LY9: variants seen among roughly 807,000 people sequenced by gnomAD.
LY9 encodes the protein lymphocyte antigen 9, also known as T-lymphocyte surface antigen Ly-9.
A neutral mutation model predicts 64.6 loss-of-function variants in LY9; 59 were observed. The ratio of observed to expected loss-of-function variants is 0.91; its 90% CI spans 0.74 to 1.13. The LOEUF is 1.13. Ranked by LOEUF, LY9 falls within the 50% of genes most tolerant of loss-of-function variation. The pLI, the probability that LY9 is intolerant of heterozygous loss-of-function variation, is 0.00. For missense variants in LY9, 789 were observed against 797.2 expected (o/e 0.99, Z 0.12); for synonymous variants, 281 against 308.5 (o/e 0.91, Z 0.93).
chr1:160,819,479 C>G (rs996946321), intron 7 of LY9, 105 bp downstream of exon 7: 3 of 1,015,444 alleles, frequency 3.0e-6, no homozygotes, highest in African/African-American at 3.2e-5. Context: ...TGGGCATCAC[C>G]CAGGAAACTT....
chr1:160,801,541 C>T (rs1666479545), intron 2 of LY9, among the ~76,000 whole-genome samples: 1 of 152,156 alleles, frequency 6.6e-6, no homozygotes, highest in Non-Finnish European at 1.5e-5. Context: ...TTTTGCTGTG[C>T]AAAAGCTTGT....
chr1:160,823,879 C>T (rs753530847), intron 8 of LY9, 83 bp downstream of exon 8: 1 of 1,135,508 alleles, frequency 8.8e-7, no homozygotes, highest in South Asian at 1.4e-5. Flanking sequence ...TTCCTCCAAA[C>T]TGGGGGCTGG....
chr1:160,825,625 C>G (rs1434859785), intron 9 of LY9, among the ~76,000 whole-genome samples: 1 of 152,132 alleles, frequency 6.6e-6, no homozygotes, highest in Non-Finnish European at 1.5e-5. Context: ...TTAAAAAACT[C>G]TCGGCTGGGC....
At position 160,796,187 on chromosome 1, in the gene LY9, C is replaced by T; in HGVS notation, c.-1C>T. 1 of 1,613,768 alleles carries T rather than the reference C, an allele frequency of 6.2e-7. No homozygotes were observed. Among genetic ancestry groups the T allele is most frequent in the Non-Finnish European group, 8.5e-7 (1 of 1,179,872 alleles). On this transcript the variant is annotated 5_prime_UTR_variant, in exon 1 of 10. Coordinates refer to ENST00000263285, the MANE Select transcript of LY9 (RefSeq NM_002348.4). ...AGTCTCAGTTCTGAAAATAGATCAT[C>T]ATGGTGGCACCAAAGAGTCACACAG...
intron 5 of LY9, 27 bp from the exon 6 acceptor site, chr1:160,818,191 T>C: frequency 6.8e-7 from 1 of 1,463,614 alleles, no homozygotes; most frequent in Non-Finnish European, 9.6e-7. Flanking sequence ...ATTATTTGAA[T>C]TAACATCACT....
At chr1:160,798,473 T>C (rs905416850) in intron 1 of LY9, among the ~76,000 whole-genome samples, 1 of 152,214 alleles carries the variant, frequency 6.6e-6, no homozygotes, top group Non-Finnish European at 1.5e-5. Context: ...ATAGCAATCG[T>C]AAGCAGTCTC....
chr1:160,825,012 G>A (rs1288617977), intron 9 of LY9, among the ~76,000 whole-genome samples: 2 of 150,562 alleles, frequency 1.3e-5, no homozygotes, highest in East Asian at 1.9e-4. Context: ...TTCCCAGCCT[G>A]GGCAACATGG....
chr1:160,807,256 T>C (rs1004713500), intron 2 of LY9, among the ~76,000 whole-genome samples: 4 of 152,186 alleles, frequency 2.6e-5, no homozygotes, highest in African/African-American at 9.7e-5. Context: ...TATTGTGTTG[T>C]TGGGGTAGGG....
chr1:160,800,346 C>A (rs1570968518), intron 2 of LY9: 1 of 373,520 alleles, frequency 2.7e-6, no homozygotes, highest in East Asian at 5.1e-5. Context: ...CCACCACCCA[C>A]TCCCCACACT....
chr1:160,819,826 A>G (rs1571045950), intron 7 of LY9, among the ~76,000 whole-genome samples: 2 of 118,130 alleles, frequency 1.7e-5, no homozygotes, highest in African/African-American at 3.2e-5. Flanking sequence ...AGAAAGAAAG[A>G]GAGAGAAAGA....
At chr1:160,803,523 T>A (rs984915165) in intron 2 of LY9, among the ~76,000 whole-genome samples, 4 of 152,190 alleles carry the variant, frequency 2.6e-5, no homozygotes, top group African/African-American at 9.7e-5. Context: ...TGGTTATACT[T>A]GTTCCTAGGG....
At chr1:160,818,425 C>A in intron 6 of LY9, 106 bp downstream of exon 6, 1 of 770,244 alleles carries the variant, frequency 1.3e-6, no homozygotes, top group Non-Finnish European at 2.2e-6. Flanking sequence ...TCCCTGCCAG[C>A]ATCTTATTTC....
At chr1:160,824,696 C>T (rs1419121266) in intron 9 of LY9, 1 of 979,712 alleles carries the variant, frequency 1.0e-6, no homozygotes, top group Non-Finnish European at 1.2e-6. Flanking sequence ...TAAAAAAATC[C>T]CAGCCGGGCG....
chr1:160,810,972 G>C (rs1488302447), intron 2 of LY9: 1 of 152,260 alleles, frequency 6.6e-6, no homozygotes, highest in Non-Finnish European at 1.5e-5. Context: ...AAACCTAACA[G>C]GGTAAATTCC....
At chr1:160,821,497 A>G (rs375504283) in intron 7 of LY9, among the ~76,000 whole-genome samples, 5 of 152,310 alleles carry the variant, frequency 3.3e-5, no homozygotes, top group African/African-American at 1.2e-4. Flanking sequence ...AATTTACTTT[A>G]CCAGTCCTTA....
intron 4 of LY9, among the ~76,000 whole-genome samples, chr1:160,816,052 C>A (rs1197879308): frequency 6.6e-6 from 1 of 152,198 alleles, no homozygotes; most frequent in African/African-American, 2.4e-5. Context: ...GCCTATTGCA[C>A]ACAATGCCTC....
chr1:160,819,452 T>G, intron 7 of LY9, 78 bp downstream of exon 7: 6 of 1,298,332 alleles, frequency 4.6e-6, no homozygotes, highest in Non-Finnish European at 5.6e-6. Context: ...CAAAGTGTGG[T>G]CTGCTGGCCA....
At chr1:160,805,312 T>C (rs986446772) in intron 2 of LY9, among the ~76,000 whole-genome samples, 4 of 152,214 alleles carry the variant, frequency 2.6e-5, no homozygotes, top group East Asian at 1.9e-4. Flanking sequence ...TTTTCATTTG[T>C]TTCAAGAACT....
At position 160,819,523 on chromosome 1, in the gene LY9, C is replaced by T. The variant is rs1668215796; in HGVS notation, c.1498+149C>T. 1.2e-5 allele frequency: 8 copies of T among 656,784 alleles called. No homozygotes were observed. The Admixed American group carries it at 1.3e-4, about 11-fold the overall frequency. 40.7% of individuals were successfully genotyped at this position (656,784 alleles called of 1,614,324 possible). ...TGCAAAATCTGACCAGGTGCCGTGG[C>T]TCACACCTGTAATCCCAGCACTTCG... On this transcript the variant is annotated intron_variant, in intron 7 of 9. Transcript: ENST00000263285.
Sources: gnomAD v4.1 joint callset for allele counts (sites outside exome capture counted in the v4.1 genomes callset) on GRCh38, gnomAD v4.1.1 for gene constraint, MANE v1.5 for transcripts, NCBI Gene and HGNC (gene_info 2026-07-23, HGNC 2026-07-21) for gene names.